The following NFAT5 variants were observed in gnomAD, a reference collection of about 807,000 sequenced individuals.
NFAT5 encodes the protein nuclear factor of activated T cells 5.
NFAT5 carries 31 observed loss-of-function variants against 166.5 expected under a neutral mutation model. The ratio of observed to expected loss-of-function variants is 0.19; its 90% confidence interval spans 0.14 to 0.25. The LOEUF is 0.25. Among genes scored for constraint, NFAT5 ranks in the 10% least tolerant of loss-of-function variants. The pLI, the probability that NFAT5 is intolerant of heterozygous loss-of-function variation, is 1.00. For synonymous variants in NFAT5, 612 were observed against 639.7 expected, an observed-to-expected ratio of 0.96 and a Z score of 0.65; for missense variants, 1,449 against 1,821.8, an observed-to-expected ratio of 0.80 and a Z score of 3.72.
intron 2 of NFAT5, among the ~76,000 whole-genome samples, chr16:69,613,598 C>A (rs2033803910): frequency 6.6e-6 from 1 of 152,192 alleles, no homozygotes; most frequent in Non-Finnish European, 1.5e-5. Flanking sequence ...GTTTCTCCTT[C>A]CTTTTCCCCA....
At chr16:69,622,832 GA>G (rs11347776) in intron 2 of NFAT5, among the ~76,000 whole-genome samples, 118,335 of 144,340 alleles carry the variant, frequency 0.82, 48,604 homozygotes, top group Admixed American at 0.89. Context: ...TTTTGTTTGG[GA>G]AAAAAAAAAA....
intron 2 of NFAT5, among the ~76,000 whole-genome samples, chr16:69,595,383 G>A (rs577997651): frequency 6.6e-6 from 1 of 152,254 alleles, no homozygotes; most frequent in South Asian, 2.1e-4. Context: ...TCCCGAATCT[G>A]TGTCAGTCAT....
intron 2 of NFAT5, among the ~76,000 whole-genome samples, chr16:69,609,107 T>G (rs1224250794): frequency 6.7e-6 from 1 of 149,412 alleles, no homozygotes; most frequent in Non-Finnish European, 1.5e-5. Context: ...GGCAACAGAG[T>G]GAGACTCCGC....
intron 7 of NFAT5, among the ~76,000 whole-genome samples, chr16:69,669,037 T>C (rs2036518743): frequency 6.6e-6 from 1 of 151,944 alleles, no homozygotes; most frequent in African/African-American, 2.4e-5. Flanking sequence ...GGGAATTGCA[T>C]GTGCATACTA....
At chr16:69,569,927 T>C (rs1228577081) in intron 2 of NFAT5, among the ~76,000 whole-genome samples, 1 of 152,224 alleles carries the variant, frequency 6.6e-6, no homozygotes, top group East Asian at 1.9e-4. Flanking sequence ...CTGGTTTTTA[T>C]TCATATTCAA....
intron 2 of NFAT5, among the ~76,000 whole-genome samples, chr16:69,591,024 T>C (rs1223531056): frequency 6.6e-6 from 1 of 152,192 alleles, no homozygotes; most frequent in Non-Finnish European, 1.5e-5. Flanking sequence ...CTTCGTCTCC[T>C]GGGTTCAAGC....
chr16:69,576,165 C>T (rs1014609927), intron 2 of NFAT5, among the ~76,000 whole-genome samples: 2 of 150,430 alleles, frequency 1.3e-5, no homozygotes, highest in South Asian at 4.2e-4. Flanking sequence ...ATTAGCTGGG[C>T]GTGGTGGGCG....
At chr16:69,595,112 A>G (rs2032714655) in intron 2 of NFAT5, among the ~76,000 whole-genome samples, 1 of 152,208 alleles carries the variant, frequency 6.6e-6, no homozygotes, top group South Asian at 2.1e-4. Flanking sequence ...ATCCTCACAG[A>G]TACACCCAGG....
At chr16:69,676,994 C>CT in intron 9 of NFAT5, 1 of 480,960 alleles carries the variant, frequency 2.1e-6, no homozygotes, top group Non-Finnish European at 3.6e-6. Context: ...GGATCTTGAC[C>CT]TTGTAAGCCA....
chr16:69,686,658 G>A (rs2037318551), intron 11 of NFAT5, among the ~76,000 whole-genome samples: 1 of 152,048 alleles, frequency 6.6e-6, no homozygotes, highest in Non-Finnish European at 1.5e-5. Flanking sequence ...GAGGTCAGGA[G>A]TTTGAGACCA....
At chr16:69,584,921 T>A (rs959277081) in intron 2 of NFAT5, among the ~76,000 whole-genome samples, 1 of 152,162 alleles carries the variant, frequency 6.6e-6, no homozygotes, top group Admixed American at 6.5e-5. Flanking sequence ...TATACATGTA[T>A]ATATATTCAC....
At chr16:69,601,119 G>A (rs548092138) in intron 2 of NFAT5, among the ~76,000 whole-genome samples, 29 of 151,926 alleles carry the variant, frequency 1.9e-4, no homozygotes, top group Non-Finnish European at 2.8e-4. Context: ...ACACCCTTAA[G>A]CACTTAAACA....
intron 2 of NFAT5, among the ~76,000 whole-genome samples, chr16:69,625,379 A>C (rs1295400042): frequency 6.6e-6 from 1 of 152,124 alleles, no homozygotes; most frequent in South Asian, 2.1e-4. Flanking sequence ...TAAAAGATAC[A>C]GGGTTCTTTA....
intron 1 of NFAT5, 67 bp from the exon 2 acceptor site, chr16:69,568,428 A>C (rs2016242552): frequency 1.7e-6 from 2 of 1,162,604 alleles, no homozygotes; most frequent in Non-Finnish European, 2.5e-6. Flanking sequence ...TAAGAGATGT[A>C]TGCTATCCTT....
chr16:69,688,799 TAAC>T (rs1224137694), intron 11 of NFAT5, among the ~76,000 whole-genome samples: 1 of 152,256 alleles, frequency 6.6e-6, no homozygotes, highest in Non-Finnish European at 1.5e-5. Flanking sequence ...CAACAGGTGA[TAAC>T]AACATCTGCC....
intron 3 of NFAT5, among the ~76,000 whole-genome samples, chr16:69,630,946 A>T (rs1380877578): frequency 2.0e-5 from 3 of 152,208 alleles, no homozygotes; most frequent in Non-Finnish European, 4.4e-5. Flanking sequence ...ATTTATTTAA[A>T]ATAGAAAGTC....
intron 10 of NFAT5, 70 bp downstream of exon 10, chr16:69,677,405 A>C (rs1219105928): frequency 1.5e-6 from 2 of 1,329,488 alleles, no homozygotes; most frequent in African/African-American, 3.0e-5. Flanking sequence ...GAATATGAAG[A>C]TGACTAGCCA....
chr16:69,612,928 G>A (rs555255257), intron 2 of NFAT5, among the ~76,000 whole-genome samples: 55 of 151,882 alleles, frequency 3.6e-4, no homozygotes, highest in African/African-American at 3.4e-4. Flanking sequence ...AGTAAAGCAG[G>A]CTATTTGTTT....
Position 69,653,303 on chromosome 16 carries a change from A to G in NFAT5, c.880A>G (p.Lys294Glu). ...TATGTTGTGTGGACAATATCCTGTT[A>G]AAAGTGAGGGAAAGGAGCTGAAGAT... The part of the protein sequence containing the change: ...SPMLCGQYPV[K>E]SEGKELKIVV... Residue 294 changes from lysine (K) to glutamate (E), a missense_variant, in exon 5 of 15, where the codon AAA (lysine) becomes GAA (glutamate). By Grantham distance (56) the Lys-to-Glu change is moderately conservative (BLOSUM62 1). Transcript: ENST00000349945. The G allele has an allele frequency of 6.2e-7, 1 of 1,612,740 alleles. No individual in the cohort carries two copies. Among genetic ancestry groups the G allele is most frequent in the Non-Finnish European group, 8.5e-7 (1 of 1,179,600 alleles).
Sources: gnomAD v4.1 joint callset for allele counts (sites outside exome capture counted in the v4.1 genomes callset) on GRCh38, gnomAD v4.1.1 for gene constraint, MANE v1.5 for transcripts, NCBI Gene and HGNC (gene_info 2026-07-23, HGNC 2026-07-21) for gene names.